Variants in CHIC2 observed in about 807,000 individuals in gnomAD.
The protein encoded by CHIC2 is cysteine-rich hydrophobic domain-containing protein 2.
A neutral mutation model predicts 25.9 loss-of-function variants in CHIC2; 14 were observed. The observed-to-expected ratio is 0.54, with a 90% confidence interval of 0.36 to 0.85. The LOEUF (loss-of-function observed/expected upper bound fraction) is 0.85. Ranked by LOEUF, CHIC2 falls within the 40% of genes least tolerant of loss-of-function variation. CHIC2 has a pLI of 0.01. For synonymous variants in CHIC2, 70 were observed against 72.0 expected (o/e 0.97, Z 0.14); for missense variants, 146 against 202.0 (o/e 0.72, Z 1.68).
chr4:54,023,952 G>T (rs1389331045), intron 3 of CHIC2, among the ~76,000 whole-genome samples: 2 of 152,204 alleles, frequency 1.3e-5, no homozygotes, highest in African/African-American at 4.8e-5. Context: ...AAAGGAAGCT[G>T]GAGTCATTCA....
intron 1 of CHIC2, among the ~76,000 whole-genome samples, chr4:54,063,225 G>T (rs866981492): frequency 6.6e-6 from 1 of 152,164 alleles, no homozygotes; most frequent in Non-Finnish European, 1.5e-5. Flanking sequence ...CACTGAAAAG[G>T]TGAAGAAGTA....
At chr4:54,085,755 A>G in the CHIC2 span, among the ~76,000 whole-genome samples, 4 of 152,172 alleles carry the variant, frequency 2.6e-5, no homozygotes, top group South Asian at 6.2e-4. Flanking sequence ...CCCTAATCTC[A>G]GGGCCACTGG....
At chr4:54,067,919 T>TA (rs1553888149), upstream of CHIC2, among the ~76,000 whole-genome samples, 6 of 144,796 alleles carry the variant, frequency 4.1e-5, no homozygotes, top group Non-Finnish European at 9.1e-5. Flanking sequence ...CTGAATTTTG[T>TA]CCCCCCCCCC....
chr4:54,090,275 C>T, the CHIC2 span, among the ~76,000 whole-genome samples: 1 of 152,126 alleles, frequency 6.6e-6, no homozygotes, highest in African/African-American at 2.4e-5. Context: ...CAACCTCCAC[C>T]TCTCAGGTTC....
At chr4:54,088,408 T>G in the CHIC2 span, among the ~76,000 whole-genome samples, 1 of 152,228 alleles carries the variant, frequency 6.6e-6, no homozygotes, top group African/African-American at 2.4e-5. Flanking sequence ...GAATTACATT[T>G]CAGATCTTAA....
the CHIC2 span, among the ~76,000 whole-genome samples, chr4:54,083,123 C>T: frequency 1.5e-5 from 2 of 135,892 alleles, no homozygotes; most frequent in Non-Finnish European, 3.0e-5. Context: ...TTAAGCGATT[C>T]TCCTGCCTCA....
chr4:54,015,568 C>T (rs1037561979), intron 3 of CHIC2, among the ~76,000 whole-genome samples: 5 of 152,028 alleles, frequency 3.3e-5, no homozygotes, highest in African/African-American at 9.7e-5. Context: ...CTTGTCTAGC[C>T]CCCAAGCTTT....
the CHIC2 span, among the ~76,000 whole-genome samples, chr4:54,084,983 C>CAAAAAAAAAAAAAAAAAAAAAAA: frequency 1.8e-4 from 19 of 106,762 alleles, no homozygotes; most frequent in African/African-American, 4.2e-4. Flanking sequence ...AAAAAAAAAT[C>CAAAAAAAAAAAAAAAAAAAAAAA]AAACAGGTAG....
At chr4:54,024,250 C>A (rs1045508426) in intron 3 of CHIC2, among the ~76,000 whole-genome samples, 3 of 152,178 alleles carry the variant, frequency 2.0e-5, no homozygotes, top group Non-Finnish European at 2.9e-5. Flanking sequence ...AGGTTACAAG[C>A]CGCTAGCCCA....
the CHIC2 span, among the ~76,000 whole-genome samples, chr4:54,081,646 A>G: frequency 1.3e-5 from 2 of 152,138 alleles, no homozygotes; most frequent in African/African-American, 4.8e-5. Flanking sequence ...GGGAGATAAA[A>G]CTTTAATTGC....
intron 1 of CHIC2, among the ~76,000 whole-genome samples, chr4:54,057,339 A>G (rs753571133): frequency 9.2e-5 from 14 of 152,034 alleles, no homozygotes; most frequent in Admixed American, 7.2e-4. Flanking sequence ...GAACCCTCCA[A>G]CCTCATTTCA....
the CHIC2 span, among the ~76,000 whole-genome samples, chr4:54,073,727 T>C: frequency 6.6e-6 from 1 of 152,168 alleles, no homozygotes; most frequent in African/African-American, 2.4e-5. Flanking sequence ...TTTGGGGCAA[T>C]TGGTTATGTA....
rs200243637 is a variant in CHIC2 at position 54,064,325 on chromosome 4, C to A, written c.-25G>T. 344 of 1,612,682 alleles carry A rather than the reference C, an allele frequency of 2.1e-4. 4 individuals carry two copies. The Admixed American group carries it at 2.4e-3, about 11-fold the overall frequency. ...TCCTGAGCCTCCGAGCTCCCCTGCC[C>A]AAAGGGCCTGACTCCCGGGGTTGGC... On this transcript the variant is annotated 5_prime_UTR_variant, in exon 1 of 6. Coordinates refer to ENST00000263921, the MANE Select transcript of CHIC2 (RefSeq NM_012110.4). This position sits in a 1 kb window ranked among gnomAD's most constrained non-coding sequence, Gnocchi z 4.2.
intron 3 of CHIC2, among the ~76,000 whole-genome samples, chr4:54,036,701 C>T (rs9990570): frequency 0.059 from 8,927 of 152,114 alleles, 879 homozygotes; most frequent in African/African-American, 0.2. Context: ...ATCTATCCTA[C>T]AGTACCATGA....
chr4:54,029,094 G>A (rs889805258), intron 3 of CHIC2, among the ~76,000 whole-genome samples: 11 of 149,698 alleles, frequency 7.3e-5, no homozygotes, highest in Non-Finnish European at 1.6e-4. Context: ...CCGCACTCCA[G>A]CCTGCTGACA....
intron 3 of CHIC2, among the ~76,000 whole-genome samples, chr4:54,045,353 G>A (rs1021953830): frequency 6.6e-6 from 1 of 152,136 alleles, no homozygotes; most frequent in African/African-American, 2.4e-5. Context: ...CAAAAAAAGA[G>A]AATTTTAGAC....
chr4:54,051,394 A>C (rs1332592823), intron 1 of CHIC2, among the ~76,000 whole-genome samples: 1 of 152,108 alleles, frequency 6.6e-6, no homozygotes, highest in African/African-American at 2.4e-5. Context: ...TATATATAAC[A>C]TACATATCTT....
the CHIC2 span, among the ~76,000 whole-genome samples, chr4:54,070,402 T>TTATC: frequency 5.7e-5 from 5 of 87,488 alleles, no homozygotes; most frequent in South Asian, 1.3e-3. Context: ...ATTTATTTAT[T>TTATC]TATTTATGTA....
At chr4:54,018,437 C>T (rs1003526458) in intron 3 of CHIC2, among the ~76,000 whole-genome samples, 1 of 152,066 alleles carries the variant, frequency 6.6e-6, no homozygotes, top group African/African-American at 2.4e-5. Flanking sequence ...TCTTCCAGGA[C>T]AGCAAAGAGC....
Sources: allele counts gnomAD v4.1 joint callset (sites outside exome capture counted in the v4.1 genomes callset), GRCh38; gene constraint gnomAD v4.1.1; non-coding constraint Gnocchi (gnomAD v3.1); transcripts MANE v1.5; gene names NCBI Gene and HGNC (gene_info 2026-07-23, HGNC 2026-07-21).